The following B4GALT5 variants were observed in gnomAD, a reference collection of about 807,000 sequenced individuals.
B4GALT5 encodes the protein UDP-Gal:beta-GlcNAc beta-1,4-galactosyltransferase 5.
B4GALT5 carries 11 observed loss-of-function variants against 45.0 expected under a neutral mutation model. That is an observed-to-expected ratio of 0.24 (90% CI 0.15 to 0.40). B4GALT5 has a LOEUF of 0.40. Among genes scored for constraint, B4GALT5 ranks in the 10% least tolerant of loss-of-function variants. The pLI is 1.00. For synonymous variants in B4GALT5, 185 were observed against 182.9 expected (o/e 1.01, Z -0.09); for missense variants, 337 against 500.2 (o/e 0.67, Z 3.11).
chr20:49,672,365 A>G (rs959573398), intron 1 of B4GALT5, among the ~76,000 whole-genome samples: 1 of 152,242 alleles, frequency 6.6e-6, no homozygotes. Flanking sequence ...CAGAGAAAGC[A>G]CTTGAAAATT....
chr20:49,646,897 G>C (rs1435118418), intron 3 of B4GALT5, 68 bp downstream of exon 3: 2 of 917,198 alleles, frequency 2.2e-6, no homozygotes, highest in East Asian at 2.6e-5. Flanking sequence ...GGCAGACAGA[G>C]AGATCAAGAG....
chr20:49,676,633 G>A (rs1017996612), intron 1 of B4GALT5, among the ~76,000 whole-genome samples: 1 of 152,212 alleles, frequency 6.6e-6, no homozygotes, highest in African/African-American at 2.4e-5. Flanking sequence ...TGGCTACTGC[G>A]CAGGGGCTAT....
chr20:49,689,985 A>C (rs1336760678), intron 1 of B4GALT5, among the ~76,000 whole-genome samples: 1 of 152,124 alleles, frequency 6.6e-6, no homozygotes, highest in Non-Finnish European at 1.5e-5. Flanking sequence ...CATACATAGC[A>C]CAAGTGTTTT....
At chr20:49,705,351 A>G (rs2085879563) in intron 1 of B4GALT5, among the ~76,000 whole-genome samples, 1 of 152,202 alleles carries the variant, frequency 6.6e-6, no homozygotes, top group Non-Finnish European at 1.5e-5. Flanking sequence ...CATCCCAAAG[A>G]TATTTCCAAA....
chr20:49,675,706 G>A (rs1254360351), intron 1 of B4GALT5, among the ~76,000 whole-genome samples: 1 of 152,210 alleles, frequency 6.6e-6, no homozygotes, highest in Non-Finnish European at 1.5e-5. Context: ...AAAACCTCAT[G>A]TGACTGTTTG....
chr20:49,668,361 T>C (rs1175366905), intron 1 of B4GALT5, among the ~76,000 whole-genome samples: 2 of 152,084 alleles, frequency 1.3e-5, no homozygotes, highest in African/African-American at 2.4e-5. Flanking sequence ...TCTAAACAGA[T>C]ACTAGATGGC....
chr20:49,657,013 A>T (rs1376102606), intron 1 of B4GALT5, among the ~76,000 whole-genome samples: 1 of 152,178 alleles, frequency 6.6e-6, no homozygotes, highest in Non-Finnish European at 1.5e-5. Context: ...GATCATCAGA[A>T]GAAAGACCTT....
chr20:49,645,382 G>A (rs2085594776), intron 3 of B4GALT5, among the ~76,000 whole-genome samples: 1 of 152,214 alleles, frequency 6.6e-6, no homozygotes, highest in Admixed American at 6.5e-5. Context: ...AGCTGCCATA[G>A]CATTGTTGTG....
chr20:49,691,192 A>G (rs2085809583), intron 1 of B4GALT5, among the ~76,000 whole-genome samples: 1 of 152,170 alleles, frequency 6.6e-6, no homozygotes, highest in Admixed American at 6.6e-5. Context: ...GTGCGGGGCA[A>G]TCAGCCAGCT....
chr20:49,684,580 C>A (rs748758640), intron 1 of B4GALT5: 1 of 518,618 alleles, frequency 1.9e-6, no homozygotes, highest in East Asian at 5.5e-5. Flanking sequence ...AAAAGTTGGT[C>A]CCTGAACTGA....
rs1039475019 is a variant in B4GALT5, at chr20:49,639,899, C to T, written c.795-99G>A. On this transcript the variant is annotated intron_variant, in intron 6 of 8. Coordinates refer to ENST00000371711, the MANE Select transcript of B4GALT5 (RefSeq NM_004776.4). ...AGGACTAAAAACAGTGCTCTCTGTG[C>T]TCCTGACCTGAACCATATGAATGTA... The T allele has an allele frequency of 2.7e-6, 4 of 1,480,796 alleles. No individual in the cohort carries two copies. The Admixed American group carries it at 8.3e-5, about 31-fold the overall frequency. The allele number at this position is 1,480,796 out of a possible 1,614,324, so 91.7% of individuals were successfully genotyped here. A position where few individuals can be genotyped will look rare whatever the true frequency, so the allele number is the denominator to read the frequency against.
Position 49,640,372 on chromosome 20 carries a change from C to A in B4GALT5, c.794+106G>T, listed in dbSNP as rs976840634. 5.1e-6 allele frequency: 5 copies of A among 979,300 alleles called. No homozygotes were observed. In the Admixed American group the frequency reaches 8.3e-5, roughly 16 times the overall value. 60.7% of individuals were successfully genotyped at this position (979,300 alleles called of 1,614,324 possible). ...GGATACACACATTTTGTTTATCCAT[C>A]CATCAGTTGATGGGCATCTAGGTTG... On this transcript the variant is annotated intron_variant, in intron 6 of 8. Transcript: ENST00000371711.
At chr20:49,669,556 C>A (rs1181185632) in intron 1 of B4GALT5, among the ~76,000 whole-genome samples, 2 of 151,954 alleles carry the variant, frequency 1.3e-5, no homozygotes, top group African/African-American at 4.8e-5. Flanking sequence ...ATCAGCCGAG[C>A]ATGGTGGTGC....
At chr20:49,653,810 T>C (rs1464039225) in intron 2 of B4GALT5, among the ~76,000 whole-genome samples, 1 of 152,248 alleles carries the variant, frequency 6.6e-6, no homozygotes, top group Non-Finnish European at 1.5e-5. Context: ...AAAAGGTATT[T>C]GGGTGTATGA....
At chr20:49,639,456 C>T (rs541024026) in intron 7 of B4GALT5, among the ~76,000 whole-genome samples, 8 of 152,080 alleles carry the variant, frequency 5.3e-5, no homozygotes, top group African/African-American at 1.9e-4. Flanking sequence ...CTCGAACTCC[C>T]GGGCTCAAGT....
chr20:49,692,305 G>GA (rs11482585), intron 1 of B4GALT5, among the ~76,000 whole-genome samples: 71,491 of 143,496 alleles, frequency 0.5, 17,776 homozygotes, highest in South Asian at 0.65. Flanking sequence ...CTCTACAAAA[G>GA]AAAAAAAAAA....
At chr20:49,679,253 G>C (rs1327173305) in intron 1 of B4GALT5, among the ~76,000 whole-genome samples, 1 of 152,016 alleles carries the variant, frequency 6.6e-6, no homozygotes, top group Non-Finnish European at 1.5e-5. Context: ...GACTAAAAAG[G>C]GTTTTTTGCT....
intron 1 of B4GALT5, among the ~76,000 whole-genome samples, chr20:49,665,549 A>G (rs1304284936): frequency 6.6e-6 from 1 of 151,140 alleles, no homozygotes; most frequent in Non-Finnish European, 1.5e-5. Flanking sequence ...AGAGATGATG[A>G]ATTCTTTTAT....
intron 1 of B4GALT5, among the ~76,000 whole-genome samples, chr20:49,663,286 T>C (rs1601256250): frequency 1.3e-5 from 2 of 152,250 alleles, no homozygotes; most frequent in East Asian, 3.9e-4. Context: ...TTTCTAAACA[T>C]TCACCAAGCT....
Sources: gnomAD v4.1 joint callset for allele counts (sites outside exome capture counted in the v4.1 genomes callset) on GRCh38, gnomAD v4.1.1 for gene constraint, MANE v1.5 for transcripts, NCBI Gene and HGNC (gene_info 2026-07-23, HGNC 2026-07-21) for gene names.